The following NFIB variants were observed in gnomAD, a reference collection of about 807,000 sequenced individuals.
NFIB encodes nuclear factor 1 B-type.
In NFIB, 11 loss-of-function variants were observed where a neutral mutation model predicts 61.5. The ratio of observed to expected loss-of-function variants is 0.18; its 90% CI spans 0.11 to 0.30. The LOEUF (loss-of-function observed/expected upper bound fraction) is 0.30. Ranked by LOEUF, NFIB falls within the 10% of genes least tolerant of loss-of-function variation. The pLI is 1.00. For synonymous variants in NFIB, 260 were observed against 216.5 expected, an observed-to-expected ratio of 1.20 and a Z score of -1.76; for missense variants, 471 against 608.9, an observed-to-expected ratio of 0.77 and a Z score of 2.38.
At chr9:14,354,553 T>A (rs945860001) in intron 1 of NFIB, among the ~76,000 whole-genome samples, 2 of 152,198 alleles carry the variant, frequency 1.3e-5, no homozygotes, top group Non-Finnish European at 2.9e-5. Context: ...ACGGTCTCTC[T>A]AAGGGGCTAC....
intron 2 of NFIB, among the ~76,000 whole-genome samples, chr9:14,200,331 G>C (rs866880262): frequency 6.6e-6 from 1 of 152,086 alleles, no homozygotes; most frequent in South Asian, 2.1e-4. Context: ...AAAGTCTACA[G>C]AATATTCATC....
intron 2 of NFIB, among the ~76,000 whole-genome samples, chr9:14,199,059 G>A (rs1157199858): frequency 6.6e-6 from 1 of 152,106 alleles, no homozygotes; most frequent in Non-Finnish European, 1.5e-5. Context: ...GGATTCTTTG[G>A]GTTCTGTTGC....
chr9:14,152,885 A>T (rs1216998556), intron 4 of NFIB, among the ~76,000 whole-genome samples: 1 of 151,946 alleles, frequency 6.6e-6, no homozygotes, highest in Admixed American at 6.6e-5. Context: ...GGAGGTGAGG[A>T]GATGAAGAGA....
intron 2 of NFIB, among the ~76,000 whole-genome samples, chr9:14,286,084 T>C (rs1465594832): frequency 6.6e-6 from 1 of 152,192 alleles, no homozygotes; most frequent in Non-Finnish European, 1.5e-5. Context: ...CAGACTGACA[T>C]GTTCACTGCA....
At chr9:14,429,394 G>A in the NFIB span, among the ~76,000 whole-genome samples, 1 of 152,148 alleles carries the variant, frequency 6.6e-6, no homozygotes, top group Non-Finnish European at 1.5e-5. Context: ...CTGAATCCAG[G>A]TCTCTTTAGA....
At chr9:14,355,694 C>T (rs1429429351) in intron 1 of NFIB, among the ~76,000 whole-genome samples, 1 of 152,206 alleles carries the variant, frequency 6.6e-6, no homozygotes, top group Non-Finnish European at 1.5e-5. Context: ...CAGTGGCTCA[C>T]GCCTGTAATC....
the NFIB span, among the ~76,000 whole-genome samples, chr9:14,482,120 G>T: frequency 8.3e-6 from 1 of 121,190 alleles, no homozygotes; most frequent in African/African-American, 3.2e-5. Flanking sequence ...CCATGTTCTA[G>T]GAGATCACTT....
chr9:14,249,308 T>C (rs1305252269), intron 2 of NFIB, among the ~76,000 whole-genome samples: 1 of 152,222 alleles, frequency 6.6e-6, no homozygotes, highest in African/African-American at 2.4e-5. Flanking sequence ...AAATAGTAAG[T>C]GGTGGAGATG....
At chr9:14,496,565 G>C in the NFIB span, among the ~76,000 whole-genome samples, 1 of 152,188 alleles carries the variant, frequency 6.6e-6, no homozygotes, top group Non-Finnish European at 1.5e-5. Context: ...GTGAGCTCCT[G>C]TCTCTTTTCT....
intron 2 of NFIB, among the ~76,000 whole-genome samples, chr9:14,205,686 T>C (rs2049609538): frequency 6.6e-6 from 1 of 152,212 alleles, no homozygotes; most frequent in South Asian, 2.1e-4. Context: ...TTCTTGCCTC[T>C]GCTGAAAGAT....
chr9:14,286,228 A>G (rs1215002670), intron 2 of NFIB, among the ~76,000 whole-genome samples: 10 of 152,154 alleles, frequency 6.6e-5, no homozygotes, highest in African/African-American at 4.8e-5. Context: ...CATACTCACT[A>G]TTCCTCCAAG....
intron 2 of NFIB, among the ~76,000 whole-genome samples, chr9:14,184,900 G>A (rs1229703413): frequency 1.3e-5 from 2 of 152,078 alleles, no homozygotes; most frequent in Non-Finnish European, 2.9e-5. Flanking sequence ...GCACACACCT[G>A]TAATCCCAGC....
Position 14,245,802 on chromosome 9 carries a change from G to A in NFIB, c.562+61187C>T, listed in dbSNP as rs140554415. Among the ~76,000 whole-genome samples, 787 of 152,164 alleles carry A rather than the reference G, an allele frequency of 5.2e-3. 31 individuals carry two copies. In the East Asian group the frequency reaches 0.079, roughly 15 times the overall value. On this transcript the variant is annotated intron_variant, in intron 2 of 10. Coordinates refer to ENST00000380953, the MANE Select transcript of NFIB (RefSeq NM_001190737.2). ...GCACGAGAATCGCTTGAACCCGGGA[G>A]GCAGACATTGCAGTGAGCCGAGATC...
rs576496871 is a variant in NFIB, at chr9:14,272,177, T to C, written c.562+34812A>G. Among the ~76,000 whole-genome samples, 4 of 152,238 alleles carry C rather than the reference T, an allele frequency of 2.6e-5. No homozygotes were observed. The South Asian group carries it at 6.2e-4, about 24-fold the overall frequency. ...TTATACGTTTTGAACAAACTTAAAA[T>C]AGCTACTAACCTCTTTTTTCCCCCA... On this transcript the variant is annotated intron_variant, in intron 2 of 10. Transcript: ENST00000380953.
At chr9:14,447,075 T>C in the NFIB span, among the ~76,000 whole-genome samples, 1 of 152,208 alleles carries the variant, frequency 6.6e-6, no homozygotes, top group African/African-American at 2.4e-5. Context: ...GAGGTATTTT[T>C]ATCATAAGAA....
chr9:14,407,661 G>C, the NFIB span, among the ~76,000 whole-genome samples: 1 of 152,094 alleles, frequency 6.6e-6, no homozygotes, highest in Non-Finnish European at 1.5e-5. Flanking sequence ...TGTGGTGTAA[G>C]TTTGTCTGCA....
intron 1 of NFIB, among the ~76,000 whole-genome samples, chr9:14,364,280 G>GT (rs1028023745): frequency 8.5e-5 from 13 of 152,250 alleles, no homozygotes; most frequent in East Asian, 1.9e-4. Context: ...AGCCTGTGGA[G>GT]TTTTTTTGGC....
At chr9:14,162,213 T>C (rs1001989719) in intron 3 of NFIB, among the ~76,000 whole-genome samples, 1 of 152,006 alleles carries the variant, frequency 6.6e-6, no homozygotes, top group African/African-American at 2.4e-5. Flanking sequence ...ATCTACAGTT[T>C]CACAATGAAA....
chr9:14,418,649 C>T, the NFIB span, among the ~76,000 whole-genome samples: 2 of 152,036 alleles, frequency 1.3e-5, no homozygotes, highest in East Asian at 1.9e-4. Context: ...TATTAGGGTC[C>T]CCAGGAGAGC....
Sources: allele counts gnomAD v4.1 joint callset (sites outside exome capture counted in the v4.1 genomes callset), GRCh38; gene constraint gnomAD v4.1.1; transcripts MANE v1.5; gene names NCBI Gene and HGNC (gene_info 2026-07-23, HGNC 2026-07-21).